CACNA2D3: variants seen among roughly 807,000 people sequenced by gnomAD.
CACNA2D3 encodes the protein calcium voltage-gated channel auxiliary subunit alpha2delta 3.
A neutral mutation model predicts 160.6 loss-of-function variants in CACNA2D3; 60 were observed. The ratio of observed to expected loss-of-function variants is 0.37; its 90% CI spans 0.30 to 0.46. The LOEUF (loss-of-function observed/expected upper bound fraction) is 0.46, where lower values mean the gene tolerates loss of function less well. Among genes scored for constraint, CACNA2D3 ranks in the 20% least tolerant of loss-of-function variants. The pLI, the probability that CACNA2D3 is intolerant of heterozygous loss-of-function variation, is 1.00. For missense variants in CACNA2D3, 1,205 were observed against 1,365.0 expected (o/e 0.88, Z 1.85); for synonymous variants, 558 against 492.9 (o/e 1.13, Z -1.75).
chr3:54,212,170 G>A (rs1701386408), intron 2 of CACNA2D3, among the ~76,000 whole-genome samples: 1 of 152,308 alleles, frequency 6.6e-6, no homozygotes, highest in African/African-American at 2.4e-5. Context: ...GTTAAGGATG[G>A]ACCCGTGACA....
rs112521925 is a variant in CACNA2D3 at position 54,531,349 on chromosome 3, AG to A, written c.544+27698del. The stretch of plus-strand genomic sequence containing the variant: ...CAGCTGCCTCTTGGAGGAAGTTGAT[AG>A]GGAAGTATGACGGAAGGATATTCAT... On this transcript the variant is annotated intron_variant, in intron 5 of 37. Coordinates refer to ENST00000474759, the MANE Select transcript of CACNA2D3 (RefSeq NM_018398.3). Among the ~76,000 whole-genome samples the A allele has an allele frequency of 5.6e-3, 859 of 152,350 alleles. 11 individuals are homozygous for A. Among genetic ancestry groups the A allele is most frequent in the African/African-American group, 0.02 (816 of 41,578 alleles).
intron 2 of CACNA2D3, among the ~76,000 whole-genome samples, chr3:54,278,561 A>G (rs1377106014): frequency 3.3e-5 from 5 of 152,224 alleles, no homozygotes; most frequent in Admixed American, 6.5e-5. Flanking sequence ...ACTATTCACA[A>G]TAGCAAAGAC....
At chr3:54,524,545 T>C (rs1409667946) in intron 5 of CACNA2D3, among the ~76,000 whole-genome samples, 1 of 152,160 alleles carries the variant, frequency 6.6e-6, no homozygotes, top group Non-Finnish European at 1.5e-5. Context: ...ATATTAATCT[T>C]CTGCCTAGTT....
intron 11 of CACNA2D3, among the ~76,000 whole-genome samples, chr3:54,730,004 A>T (rs368734534): frequency 6.9e-6 from 1 of 144,946 alleles, no homozygotes; most frequent in African/African-American, 2.6e-5. Context: ...ATCTCAAAAA[A>T]AAAAAAAAAA....
At chr3:55,006,837 T>A (rs896235612) in intron 32 of CACNA2D3, among the ~76,000 whole-genome samples, 3 of 152,238 alleles carry the variant, frequency 2.0e-5, no homozygotes, top group African/African-American at 7.2e-5. Flanking sequence ...CTAGTTCTTA[T>A]AATTAAAATG....
chr3:54,472,146 C>A (rs1383102971), intron 4 of CACNA2D3, among the ~76,000 whole-genome samples: 1 of 152,174 alleles, frequency 6.6e-6, no homozygotes, highest in Non-Finnish European at 1.5e-5. Context: ...CAAAAATCCT[C>A]AATAAAATAC....
chr3:54,958,117 A>G (rs1701946532), intron 27 of CACNA2D3, among the ~76,000 whole-genome samples: 1 of 152,250 alleles, frequency 6.6e-6, no homozygotes, highest in Non-Finnish European at 1.5e-5. Context: ...AAGAGCCTCA[A>G]CCTCTAGTTG....
chr3:54,533,376 C>T (rs916527761), intron 5 of CACNA2D3, among the ~76,000 whole-genome samples: 1 of 132,244 alleles, frequency 7.6e-6, no homozygotes, highest in East Asian at 2.4e-4. Flanking sequence ...CATTCTGTCA[C>T]TCAGGTTGAG....
intron 9 of CACNA2D3, among the ~76,000 whole-genome samples, chr3:54,591,185 C>T (rs1460190041): frequency 6.6e-6 from 1 of 152,158 alleles, no homozygotes; most frequent in Non-Finnish European, 1.5e-5. Context: ...AAATTTACAT[C>T]AGCTTCCCTA....
intron 3 of CACNA2D3, among the ~76,000 whole-genome samples, chr3:54,372,391 C>G (rs1698939925): frequency 6.6e-6 from 1 of 152,100 alleles, no homozygotes; most frequent in African/African-American, 2.4e-5. Context: ...CTGGTCATGT[C>G]AGAGCCTTGG....
At chr3:54,620,177 C>A (rs1207750690) in intron 9 of CACNA2D3, among the ~76,000 whole-genome samples, 1 of 152,232 alleles carries the variant, frequency 6.6e-6, no homozygotes, top group South Asian at 2.1e-4. Context: ...GCTGTTGGGA[C>A]CCTGCTCGTC....
chr3:54,517,618 C>T (rs948442884), intron 5 of CACNA2D3, among the ~76,000 whole-genome samples: 2 of 152,154 alleles, frequency 1.3e-5, no homozygotes, highest in Non-Finnish European at 2.9e-5. Context: ...TACAATATAA[C>T]GTGGTTTACT....
At chr3:54,269,662 A>T (rs1187673019) in intron 2 of CACNA2D3, among the ~76,000 whole-genome samples, 1 of 152,208 alleles carries the variant, frequency 6.6e-6, no homozygotes, top group African/African-American at 2.4e-5. Flanking sequence ...GGGGATGCAG[A>T]CAGTGGCCAG....
chr3:54,574,155 A>G (rs1220783426), intron 8 of CACNA2D3, among the ~76,000 whole-genome samples: 1 of 152,072 alleles, frequency 6.6e-6, no homozygotes. Context: ...TGCCGGGTAG[A>G]TGTTTGTGGA....
At chr3:54,893,180 G>A (rs997885271) in intron 25 of CACNA2D3, among the ~76,000 whole-genome samples, 1 of 152,174 alleles carries the variant, frequency 6.6e-6, no homozygotes, top group South Asian at 2.1e-4. Context: ...GGAGGCTGAG[G>A]TAGGAGAATC....
intron 2 of CACNA2D3, among the ~76,000 whole-genome samples, chr3:54,167,692 C>T (rs778864960): frequency 1.3e-5 from 2 of 152,144 alleles, no homozygotes; most frequent in African/African-American, 2.4e-5. Context: ...GGATACCCAA[C>T]GTAGTTAAGG....
intron 3 of CACNA2D3, among the ~76,000 whole-genome samples, chr3:54,358,044 A>C (rs1698679431): frequency 6.6e-6 from 1 of 152,230 alleles, no homozygotes. Flanking sequence ...CCTAATGTAA[A>C]CTATGGGCTT....
rs1702611656 is a variant in CACNA2D3 at position 54,785,133 on chromosome 3, A to G, written c.1380+20782A>G. ...GCAGAGCCATGGAGCTTCTTCCCAC[A>G]TGGGATTGGTTGGGATAAGTTACTG... On this transcript the variant is annotated intron_variant, in intron 13 of 37. Coordinates refer to ENST00000474759, the MANE Select transcript of CACNA2D3 (RefSeq NM_018398.3). 2.0e-5 allele frequency among the ~76,000 whole-genome samples: 3 copies of G among 152,352 alleles called. 1 individual carries two copies. In the South Asian group the frequency reaches 6.2e-4, roughly 32 times the overall value.
At chr3:54,652,904 T>C (rs1176124584) in intron 11 of CACNA2D3, among the ~76,000 whole-genome samples, 1 of 150,410 alleles carries the variant, frequency 6.6e-6, no homozygotes, top group Non-Finnish European at 1.5e-5. Flanking sequence ...TGTCTCAGCC[T>C]CCCAAGTAGC....
Sources: gnomAD v4.1 joint callset for allele counts (sites outside exome capture counted in the v4.1 genomes callset) on GRCh38, gnomAD v4.1.1 for gene constraint, MANE v1.5 for transcripts, NCBI Gene and HGNC (gene_info 2026-07-23, HGNC 2026-07-21) for gene names.